Variants in LRBA observed in about 807,000 individuals in gnomAD.
LRBA encodes the protein lipopolysaccharide-responsive and beige-like anchor protein.
Under a neutral mutation model 330.0 loss-of-function variants are expected in LRBA, and 176 were observed. The observed-to-expected ratio is 0.53, with a 90% CI of 0.47 to 0.60. LRBA has a LOEUF of 0.60. LRBA is among the 20% of genes least tolerant of loss of function. LRBA has a pLI of 0.00. For synonymous variants in LRBA, 1,230 were observed against 1,193.0 expected, an observed-to-expected ratio of 1.03 and a Z score of -0.64; for missense variants, 3,259 against 3,444.8, an observed-to-expected ratio of 0.95 and a Z score of 1.35.
Position 150,806,262 on chromosome 4 carries a change from A to C in LRBA, c.5518+9T>G, listed in dbSNP as rs762406498. 1.3e-6 allele frequency: 2 copies of C among 1,539,516 alleles called. No homozygotes were observed. Among genetic ancestry groups the C allele is most frequent in the Admixed American group, 4.4e-5 (2 of 45,412 alleles). ...ATACATACAAATAAAATAAAGAAAAACCACTTACTTGTTCCTTCTATAAGC... is the reference window on the plus strand; with the variant it reads ...ATACATACAAATAAAATAAAGAAAACCCACTTACTTGTTCCTTCTATAAGC... On this transcript the variant is annotated intron_variant, in intron 33 of 56. Coordinates refer to ENST00000651943, the MANE Select transcript of LRBA (RefSeq NM_001364905.1).
At chr4:150,281,640 A>G (rs1166745627) in intron 55 of LRBA, among the ~76,000 whole-genome samples, 2 of 152,024 alleles carry the variant, frequency 1.3e-5, no homozygotes, top group African/African-American at 4.8e-5. Context: ...CCTGCCCCCA[A>G]CATGTCCTGG....
chr4:150,808,950 T>C (rs1342705773), intron 31 of LRBA, among the ~76,000 whole-genome samples: 1 of 152,130 alleles, frequency 6.6e-6, no homozygotes, highest in Non-Finnish European at 1.5e-5. Context: ...ACAAAAACAC[T>C]ATGCTTTAAA....
intron 35 of LRBA, among the ~76,000 whole-genome samples, chr4:150,738,367 C>T (rs530195428): frequency 2.0e-5 from 3 of 151,960 alleles, no homozygotes; most frequent in Admixed American, 1.3e-4. Flanking sequence ...TTCACAGGTC[C>T]CCAAACAACA....
At chr4:150,876,549 G>A (rs1754047715) in intron 17 of LRBA, among the ~76,000 whole-genome samples, 1 of 152,056 alleles carries the variant, frequency 6.6e-6, no homozygotes, top group African/African-American at 2.4e-5. Context: ...AGACATTGAG[G>A]GCTTATTTTC....
chr4:150,951,906 T>C (rs766594408), intron 2 of LRBA, among the ~76,000 whole-genome samples: 8 of 152,258 alleles, frequency 5.3e-5, no homozygotes, highest in Non-Finnish European at 1.2e-4. Context: ...AGCTTACTTA[T>C]GTTTCTAAAA....
intron 2 of LRBA, among the ~76,000 whole-genome samples, chr4:150,994,508 A>G (rs1234341714): frequency 6.6e-6 from 1 of 152,262 alleles, no homozygotes; most frequent in Non-Finnish European, 1.5e-5. Context: ...GTAAACAAAA[A>G]AAGTAAGTCC....
intron 2 of LRBA, among the ~76,000 whole-genome samples, chr4:150,941,997 T>C (rs568174425): frequency 2.0e-5 from 3 of 152,264 alleles, no homozygotes; most frequent in African/African-American, 4.8e-5. Context: ...CGATACTATA[T>C]AAAAGAAAAA....
At chr4:150,370,043 C>T (rs371181822) in intron 47 of LRBA, among the ~76,000 whole-genome samples, 8 of 152,302 alleles carry the variant, frequency 5.3e-5, no homozygotes, top group South Asian at 4.1e-4. Flanking sequence ...TCTATCTCAA[C>T]GCCTCCACTG....
intron 37 of LRBA, among the ~76,000 whole-genome samples, chr4:150,599,440 G>A (rs1773875042): frequency 6.6e-6 from 1 of 152,150 alleles, no homozygotes; most frequent in Non-Finnish European, 1.5e-5. Flanking sequence ...AGTGGCATGT[G>A]CTCTGATTTC....
intron 35 of LRBA, among the ~76,000 whole-genome samples, chr4:150,745,388 A>G (rs1732550362): frequency 6.6e-6 from 1 of 151,592 alleles, no homozygotes; most frequent in Admixed American, 6.6e-5. Flanking sequence ...ACTAAAGATG[A>G]AAAAAAGCTC....
At position 150,871,357 on chromosome 4, in the gene LRBA, A is replaced by C; in HGVS notation, c.2355T>G (p.Asn785Lys). Reference protein sequence around the residue: ...QTNLITMTTYNVLFEILIEQI... With the variant: ...QTNLITMTTYKVLFEILIEQI... ...AGTACATTCCTACCTCAAACAGCACATTATATGTGGTCATTGTGATTAAAT... is the reference window on the plus strand; with the variant it reads ...AGTACATTCCTACCTCAAACAGCACCTTATATGTGGTCATTGTGATTAAAT... The change falls in exon 19 of 57, where the codon AAT becomes AAG. Residue 785 changes from asparagine to lysine, a missense_variant. Coordinates refer to ENST00000651943, the MANE Select transcript of LRBA (RefSeq NM_001364905.1). 6.2e-7 allele frequency: 1 copy of C among 1,602,246 alleles called. No individual in the cohort carries two copies.
chr4:150,629,337 C>A (rs1023328261), intron 37 of LRBA, among the ~76,000 whole-genome samples: 16 of 152,190 alleles, frequency 1.1e-4, no homozygotes, highest in African/African-American at 3.9e-4. Context: ...TATAAAATAG[C>A]TCCTTTTTTT....
At chr4:150,649,827 T>A (rs1248544252) in intron 37 of LRBA, among the ~76,000 whole-genome samples, 1 of 152,188 alleles carries the variant, frequency 6.6e-6, no homozygotes, top group East Asian at 1.9e-4. Flanking sequence ...ACATATTTTT[T>A]AATGAATAAA....
chr4:150,945,207 G>C (rs181968985), intron 2 of LRBA, among the ~76,000 whole-genome samples: 1 of 152,084 alleles, frequency 6.6e-6, no homozygotes, highest in Non-Finnish European at 1.5e-5. Context: ...CAAATAATTC[G>C]AGTACCTATA....
At chr4:150,889,039 G>C (rs555671436) in intron 17 of LRBA, among the ~76,000 whole-genome samples, 10 of 152,138 alleles carry the variant, frequency 6.6e-5, no homozygotes, top group Admixed American at 2.6e-4. Flanking sequence ...ATGTAGGAAA[G>C]AACTGTATTC....
chr4:150,346,428 C>T (rs942133252), intron 48 of LRBA, among the ~76,000 whole-genome samples: 4 of 151,970 alleles, frequency 2.6e-5, no homozygotes, highest in South Asian at 2.1e-4. Flanking sequence ...AAAGTTTTAA[C>T]GGTCTTTAGC....
chr4:150,305,598 G>C (rs374549693), intron 52 of LRBA, among the ~76,000 whole-genome samples: 17 of 152,080 alleles, frequency 1.1e-4, no homozygotes, highest in African/African-American at 3.9e-4. Context: ...ATAGGGATGA[G>C]TATTATAAAA....
chr4:150,691,274 G>T lies in LRBA; in HGVS notation c.5755-7557C>A, dbSNP rs1582059796. Among the ~76,000 whole-genome samples, 4 of 152,048 alleles carry T rather than the reference G, an allele frequency of 2.6e-5. No homozygotes were observed. The South Asian group carries it at 8.3e-4, about 32-fold the overall frequency. ...GAACCATTTATAAAATAAAAGGTAA[G>T]CCACAAATTGTGAAAAAAAATTTAA... On this transcript the variant is annotated intron_variant, in intron 36 of 56. Coordinates refer to ENST00000651943, the MANE Select transcript of LRBA (RefSeq NM_001364905.1).
chr4:150,709,303 A>G (rs945846402), intron 36 of LRBA, among the ~76,000 whole-genome samples: 2 of 151,968 alleles, frequency 1.3e-5, no homozygotes, highest in African/African-American at 4.8e-5. Flanking sequence ...AATGTAGCCA[A>G]CAATGCGCCT....
Sources: allele counts gnomAD v4.1 joint callset (sites outside exome capture counted in the v4.1 genomes callset), GRCh38; gene constraint gnomAD v4.1.1; transcripts MANE v1.5; gene names NCBI Gene and HGNC (gene_info 2026-07-23, HGNC 2026-07-21).